The following C2orf49 variants were observed in gnomAD, a reference collection of about 807,000 sequenced individuals.
The protein encoded by C2orf49 is tRNA-splicing ligase complex subunit ASW.
C2orf49 carries 11 observed loss-of-function variants against 20.6 expected under a neutral mutation model. That is an observed-to-expected ratio of 0.53 (90% CI 0.34 to 0.88). The LOEUF (loss-of-function observed/expected upper bound fraction) is 0.88. Ranked by LOEUF, C2orf49 falls within the 40% of genes least tolerant of loss-of-function variation. The probability of loss-of-function intolerance (pLI) is 0.02; values close to 1 mark genes in which losing one functional copy is unlikely to be tolerated. For synonymous variants in C2orf49, 134 were observed against 108.5 expected, an observed-to-expected ratio of 1.24 and a Z score of -1.46; for missense variants, 289 against 274.2, an observed-to-expected ratio of 1.05 and a Z score of -0.38.
rs1679809409 is a variant in C2orf49, at chr2:105,346,313, T to A, written c.*942T>A. The stretch of plus-strand genomic sequence containing the variant: ...CAGTGCTTGCTATTGCTCCTTTCCT[T>A]GAAGTTGTAACAATTGATACATATA... On this transcript the variant is annotated 3_prime_UTR_variant, in exon 4 of 4. Transcript: ENST00000258457. The A allele has an allele frequency of 6.6e-6, 1 of 152,166 alleles. No individual in the cohort carries two copies. Among genetic ancestry groups the A allele is most frequent in the Non-Finnish European group, 1.5e-5 (1 of 68,036 alleles). The allele number at this position is 152,166 out of a possible 1,614,324, so 9.4% of individuals were successfully genotyped here.
chr2:105,338,402 T>C (rs1051891695), intron 1 of C2orf49, among the ~76,000 whole-genome samples: 3 of 152,226 alleles, frequency 2.0e-5, no homozygotes, highest in African/African-American at 7.2e-5. Context: ...CTTAATTATG[T>C]CAGTAAGTTT....
the C2orf49 span, chr2:105,374,528 G>T: frequency 8.5e-5 from 13 of 152,394 alleles, no homozygotes; most frequent in African/African-American, 2.6e-4. Flanking sequence ...GTAAGGATGT[G>T]GGAGTGGAGG....
At chr2:105,365,193 C>T in the C2orf49 span, among the ~76,000 whole-genome samples, 1 of 152,156 alleles carries the variant, frequency 6.6e-6, no homozygotes, top group African/African-American at 2.4e-5. Flanking sequence ...AGTTGAGGTC[C>T]CTCCATTCCA....
the C2orf49 span, among the ~76,000 whole-genome samples, chr2:105,364,102 C>CA: frequency 2.6e-5 from 4 of 152,002 alleles, no homozygotes; most frequent in African/African-American, 9.7e-5. Flanking sequence ...ACTAAAAATA[C>CA]AAAAAATTAG....
chr2:105,382,696 T>A, the C2orf49 span, among the ~76,000 whole-genome samples: 579 of 152,262 alleles, frequency 3.8e-3, 6 homozygotes, highest in East Asian at 0.011. Context: ...GTTTATTATT[T>A]TTTTTTTCTC....
chr2:105,365,675 A>C, the C2orf49 span, among the ~76,000 whole-genome samples: 282 of 107,028 alleles, frequency 2.6e-3, no homozygotes, highest in African/African-American at 7.6e-3. Context: ...TCTCTACTAC[A>C]AAAAAAAAAA....
chr2:105,338,578 T>G (rs530978338), intron 1 of C2orf49, among the ~76,000 whole-genome samples: 2 of 152,330 alleles, frequency 1.3e-5, no homozygotes, highest in South Asian at 4.1e-4. Flanking sequence ...AAGCATGCTT[T>G]GACCACCACT....
the C2orf49 span, chr2:105,361,269 T>C: frequency 6.2e-7 from 1 of 1,605,830 alleles, no homozygotes; most frequent in Non-Finnish European, 8.5e-7. Context: ...AGCAGCAACT[T>C]CTCTGTGTTG....
At chr2:105,366,831 C>T in the C2orf49 span, among the ~76,000 whole-genome samples, 1 of 152,170 alleles carries the variant, frequency 6.6e-6, no homozygotes, top group African/African-American at 2.4e-5. Context: ...CTGCAACCTC[C>T]ACCTCCCGGG....
At chr2:105,357,097 G>C in the C2orf49 span, among the ~76,000 whole-genome samples, 13 of 152,146 alleles carry the variant, frequency 8.5e-5, no homozygotes, top group African/African-American at 2.9e-4. Flanking sequence ...ACAGGCGCAT[G>C]CCACTGCACC....
chr2:105,345,376 A>G lies in C2orf49; in HGVS notation c.*5A>G. 1.9e-6 allele frequency: 3 copies of G among 1,609,836 alleles called. No individual in the cohort carries two copies. The highest frequency in any genetic ancestry group is 2.5e-6 in the Non-Finnish European group (3 of 1,177,436). On this transcript the variant is annotated 3_prime_UTR_variant, in exon 4 of 4. Transcript: ENST00000258457. ...CAACATGTTACTTGGCCCTGAAGAA[A>G]AGTTTCCAAAAATGTAAATATACTG... is the stretch of plus-strand genomic sequence containing the variant.
Position 105,345,693 on chromosome 2 carries a change from T to G in C2orf49, c.*322T>G. The G allele has an allele frequency of 3.8e-6, 1 of 265,734 alleles. No individual in the cohort carries two copies. Among genetic ancestry groups the G allele is most frequent in the Non-Finnish European group, 7.1e-6 (1 of 140,042 alleles). The allele number at this position is 265,734 out of a possible 1,614,324, so 16.5% of individuals were successfully genotyped here. A position where few individuals can be genotyped will look rare whatever the true frequency, so the allele number is the denominator to read the frequency against. On this transcript the variant is annotated 3_prime_UTR_variant, in exon 4 of 4. Coordinates refer to ENST00000258457, the MANE Select transcript of C2orf49 (RefSeq NM_024093.3). Reference sequence around the variant, plus strand: ...CATCCATTGAATTGGCCAGGCGCAGTGGCTCACGCCTATAATCCCAGCACT... The same window carrying G: ...CATCCATTGAATTGGCCAGGCGCAGGGGCTCACGCCTATAATCCCAGCACT...
At chr2:105,362,623 T>G in the C2orf49 span, among the ~76,000 whole-genome samples, 1 of 152,166 alleles carries the variant, frequency 6.6e-6, no homozygotes, top group South Asian at 2.1e-4. Flanking sequence ...GAACACACAC[T>G]TTTCTCTCCC....
chr2:105,371,825 T>A, the C2orf49 span, among the ~76,000 whole-genome samples: 1 of 152,148 alleles, frequency 6.6e-6, no homozygotes. Context: ...ATGTCGTGGT[T>A]CTTATTGTTA....
chr2:105,368,394 C>T, the C2orf49 span, among the ~76,000 whole-genome samples: 15 of 152,166 alleles, frequency 9.9e-5, no homozygotes, highest in Middle Eastern at 3.4e-3. Flanking sequence ...TGCAGTGGTG[C>T]GATCCTGGCT....
At chr2:105,365,169 C>CA in the C2orf49 span, among the ~76,000 whole-genome samples, 1 of 152,168 alleles carries the variant, frequency 6.6e-6, no homozygotes, top group Non-Finnish European at 1.5e-5. Flanking sequence ...CCCTGGCCCC[C>CA]AACTCCTCAG....
chr2:105,350,118 TA>T (rs1679902000), downstream of C2orf49, among the ~76,000 whole-genome samples: 1 of 152,198 alleles, frequency 6.6e-6, no homozygotes, highest in Admixed American at 6.5e-5. Flanking sequence ...GCCGGCTGAC[TA>T]AAGTTGTATG....
chr2:105,344,146 C>T (rs1679748507), intron 3 of C2orf49, among the ~76,000 whole-genome samples: 1 of 152,060 alleles, frequency 6.6e-6, no homozygotes, highest in Non-Finnish European at 1.5e-5. Flanking sequence ...GAAACAGAAA[C>T]TTAGTAAATT....
chr2:105,346,943 T>C lies in C2orf49; in HGVS notation c.*1572T>C, dbSNP rs887847611. 63 of 152,236 alleles carry C rather than the reference T, an allele frequency of 4.1e-4. No homozygotes were observed. Among genetic ancestry groups the C allele is most frequent in the African/African-American group, 1.5e-3 (63 of 41,472 alleles). The allele number at this position is 152,236 out of a possible 1,614,324, so 9.4% of individuals were successfully genotyped here. A position where few individuals can be genotyped will look rare whatever the true frequency, so the allele number is the denominator to read the frequency against. The stretch of plus-strand genomic sequence containing the variant: ...GAGCAAAGGATACTTCATACTTTTT[T>C]CGTTATATGATTGATCTTCAAATTG... On this transcript the variant is annotated 3_prime_UTR_variant, in exon 4 of 4. Transcript: ENST00000258457.
Sources: allele counts gnomAD v4.1 joint callset (sites outside exome capture counted in the v4.1 genomes callset), GRCh38; gene constraint gnomAD v4.1.1; transcripts MANE v1.5; gene names NCBI Gene and HGNC (gene_info 2026-07-23, HGNC 2026-07-21).